The following HTR2C variants were observed in gnomAD, a reference collection of about 807,000 sequenced individuals.
The protein encoded by HTR2C is 5-hydroxytryptamine (serotonin) receptor 2C, G protein-coupled.
Under a neutral mutation model 21.0 loss-of-function variants are expected in HTR2C, and 5 were observed. The observed-to-expected ratio is 0.24, with a 90% CI of 0.12 to 0.50. The LOEUF (loss-of-function observed/expected upper bound fraction) is 0.50, where lower values mean the gene tolerates loss of function less well. HTR2C is among the 20% of genes least tolerant of loss of function. The probability of loss-of-function intolerance (pLI) is 0.98; values close to 1 mark genes in which losing one functional copy is unlikely to be tolerated. For missense variants in HTR2C, 271 were observed against 371.2 expected, an observed-to-expected ratio of 0.73 and a Z score of 2.22; for synonymous variants, 150 against 145.3, an observed-to-expected ratio of 1.03 and a Z score of -0.23.
At chrX:114,814,856 CTA>C (rs1340158815) in intron 4 of HTR2C, among the ~76,000 whole-genome samples, 24 of 96,602 alleles carry the variant, frequency 2.5e-4, no homozygotes, top group Non-Finnish European at 3.7e-4. Flanking sequence ...TTATAATACT[CTA>C]TAGTATATAT....
intron 4 of HTR2C, among the ~76,000 whole-genome samples, chrX:114,812,586 C>T (rs782819797): frequency 2.6e-4 from 29 of 109,705 alleles, no homozygotes; most frequent in African/African-American, 9.6e-4. Flanking sequence ...GAAAATTAGC[C>T]GGGCGTGGTG....
intron 2 of HTR2C, among the ~76,000 whole-genome samples, chrX:114,698,262 A>G (rs947053390): frequency 8.9e-6 from 1 of 112,172 alleles, no homozygotes; most frequent in Non-Finnish European, 1.9e-5. Context: ...TTTTGCCACC[A>G]TATAAGCCAA....
At chrX:114,675,622 C>T (rs782031235) in intron 2 of HTR2C, among the ~76,000 whole-genome samples, 1 of 111,800 alleles carries the variant, frequency 8.9e-6, no homozygotes, top group African/African-American at 3.2e-5. Context: ...GCACCTTTGG[C>T]ATTTACATTA....
At chrX:114,804,265 T>C (rs1908095332) in intron 4 of HTR2C, among the ~76,000 whole-genome samples, 1 of 111,923 alleles carries the variant, frequency 8.9e-6, no homozygotes, top group African/African-American at 3.2e-5. Context: ...CTGTATCACA[T>C]TATAGTAGAG....
At chrX:114,886,031 T>A (rs782108195) in intron 5 of HTR2C, among the ~76,000 whole-genome samples, 6 of 111,436 alleles carry the variant, frequency 5.4e-5, no homozygotes, top group African/African-American at 1.9e-4. Flanking sequence ...ATTTTGGTGT[T>A]CTGTTATTGG....
chrX:114,849,065 A>C (rs2070895525), intron 5 of HTR2C, among the ~76,000 whole-genome samples: 1 of 112,051 alleles, frequency 8.9e-6, no homozygotes, highest in Admixed American at 9.5e-5. Flanking sequence ...CTCTGGGTTT[A>C]TTGATCAAAT....
intron 4 of HTR2C, among the ~76,000 whole-genome samples, chrX:114,777,834 A>G (rs1445805379): frequency 8.9e-6 from 1 of 111,959 alleles, no homozygotes; most frequent in Non-Finnish European, 1.9e-5. Flanking sequence ...CTGGGATTAC[A>G]GGGTGGAGAG....
At chrX:114,737,002 T>G (rs1458216575) in intron 4 of HTR2C, among the ~76,000 whole-genome samples, 1 of 110,190 alleles carries the variant, frequency 9.1e-6, no homozygotes, top group African/African-American at 3.3e-5. Flanking sequence ...AGAGGAACAT[T>G]CACAACTCCA....
At chrX:114,704,254 C>G (rs185476151) in intron 2 of HTR2C, among the ~76,000 whole-genome samples, 4 of 111,068 alleles carry the variant, frequency 3.6e-5, no homozygotes, top group East Asian at 2.9e-4. Flanking sequence ...GAGACACAAC[C>G]AAAAAAGAGA....
chrX:114,712,322 T>G (rs1032948910), intron 2 of HTR2C, among the ~76,000 whole-genome samples: 2 of 111,838 alleles, frequency 1.8e-5, no homozygotes, highest in Non-Finnish European at 3.8e-5. Context: ...AGTGGTGATT[T>G]GCACCAAATA....
At chrX:114,724,417 G>A (rs1322399085) in intron 2 of HTR2C, among the ~76,000 whole-genome samples, 13 of 102,725 alleles carry the variant, frequency 1.3e-4, no homozygotes, top group African/African-American at 4.2e-4. Context: ...GTCTCTGCAC[G>A]TGAGATGGGT....
intron 3 of HTR2C, 48 bp from the exon 4 acceptor site, chrX:114,731,246 A>G (rs1270277164): frequency 1.1e-6 from 1 of 923,954 alleles, no homozygotes; most frequent in Non-Finnish European, 1.5e-6. Flanking sequence ...TATTGTGTAT[A>G]AGTAATATAA....
In HTR2C at chrX:114,742,071, TC is replaced by T. The variant is rs782521879; in HGVS notation, c.349+10466del. Among the ~76,000 whole-genome samples, 4 of 111,289 alleles carry T rather than the reference TC, an allele frequency of 3.6e-5. No homozygotes were observed. The South Asian group carries it at 1.5e-3, about 43-fold the overall frequency. On this transcript the variant is annotated intron_variant, in intron 4 of 5. Transcript: ENST00000276198. ...TACAGTTTTCCCTCCCTTTTTTGTC[TC>T]CTGGCTTTGTCTGGAGAAGACTCTA...
At chrX:114,664,941 T>A (rs1931121861) in intron 2 of HTR2C, among the ~76,000 whole-genome samples, 3 of 112,255 alleles carry the variant, frequency 2.7e-5, no homozygotes, top group Admixed American at 9.5e-5. Flanking sequence ...TTCATGTAAA[T>A]TTTTGGTTAA....
chrX:114,846,879 C>A (rs2147488009), intron 4 of HTR2C, among the ~76,000 whole-genome samples: 1 of 112,059 alleles, frequency 8.9e-6, no homozygotes, highest in Admixed American at 9.5e-5. Flanking sequence ...TTGCAGAAGA[C>A]ATGATCTTAT....
intron 2 of HTR2C, among the ~76,000 whole-genome samples, chrX:114,667,251 G>A (rs1433016865): frequency 9.0e-6 from 1 of 110,611 alleles, no homozygotes; most frequent in Non-Finnish European, 1.9e-5. Context: ...TATTTATGCA[G>A]AGCTCTAATT....
rs147508657 is a variant in HTR2C, at chrX:114,797,079, C to T, written c.350-50924C>T. ...GCTCCAAACATCTGTTTTTGCAAAT[C>T]TGCAGCTGGAAAAAGGTTGTGATGC... On this transcript the variant is annotated intron_variant, in intron 4 of 5. Transcript: ENST00000276198. Among the ~76,000 whole-genome samples, 696 of 111,707 alleles carry T rather than the reference C, an allele frequency of 6.2e-3. 3 individuals carry two copies. Among genetic ancestry groups the T allele is most frequent in the African/African-American group, 0.02 (629 of 30,852 alleles).
intron 1 of HTR2C, among the ~76,000 whole-genome samples, chrX:114,602,794 T>G (rs1928183231): frequency 1.6e-5 from 1 of 63,346 alleles, no homozygotes; most frequent in Non-Finnish European, 3.0e-5. Flanking sequence ...CAGGGCTTGT[T>G]GAGTAAAGCT....
chrX:114,590,344 A>T (rs1221753032), intron 1 of HTR2C, among the ~76,000 whole-genome samples: 1 of 112,209 alleles, frequency 8.9e-6, no homozygotes, highest in Non-Finnish European at 1.9e-5. Context: ...TCCGTGATTA[A>T]AAAAGAATTT....
Sources: allele counts gnomAD v4.1 joint callset (sites outside exome capture counted in the v4.1 genomes callset), GRCh38; gene constraint gnomAD v4.1.1; transcripts MANE v1.5; gene names NCBI Gene and HGNC (gene_info 2026-07-23, HGNC 2026-07-21).